Variants in EFCAB11 observed in about 807,000 individuals in gnomAD.
EFCAB11 encodes EF-hand calcium-binding domain-containing protein 11.
EFCAB11 carries 14 observed loss-of-function variants against 23.0 expected under a neutral mutation model. The ratio of observed to expected loss-of-function variants is 0.61; its 90% CI spans 0.40 to 0.95. The LOEUF (loss-of-function observed/expected upper bound fraction) is 0.95. Among genes scored for constraint, EFCAB11 ranks in the 40% least tolerant of loss-of-function variants. EFCAB11 has a pLI of 0.00. For missense variants in EFCAB11, 198 were observed against 195.8 expected (o/e 1.01, Z -0.07); for synonymous variants, 65 against 66.6 (o/e 0.98, Z 0.11).
chr14:89,861,611 C>A (rs1887923931), intron 5 of EFCAB11, among the ~76,000 whole-genome samples: 1 of 152,148 alleles, frequency 6.6e-6, no homozygotes, highest in Non-Finnish European at 1.5e-5. Flanking sequence ...CCCCAAATTT[C>A]ATGTGTTGGA....
chr14:89,833,526 T>A (rs1886956907), intron 5 of EFCAB11, among the ~76,000 whole-genome samples: 1 of 152,220 alleles, frequency 6.6e-6, no homozygotes, highest in African/African-American at 2.4e-5. Flanking sequence ...TTCATTTCAA[T>A]GAAAAGAGAG....
At chr14:89,867,075 T>C (rs2140157799) in intron 5 of EFCAB11, among the ~76,000 whole-genome samples, 1 of 152,302 alleles carries the variant, frequency 6.6e-6, no homozygotes, top group East Asian at 1.9e-4. Flanking sequence ...CCTGATCTTG[T>C]TTTTAGTGTA....
intron 5 of EFCAB11, among the ~76,000 whole-genome samples, chr14:89,834,158 C>CG (rs768587602): frequency 0.022 from 3,304 of 150,898 alleles, 61 homozygotes; most frequent in Middle Eastern, 0.045. Flanking sequence ...ATAGAGACCA[C>CG]AAGGTCAGGA....
chr14:89,947,537 C>A (rs1006231982), intron 3 of EFCAB11, among the ~76,000 whole-genome samples: 1 of 152,224 alleles, frequency 6.6e-6, no homozygotes, highest in African/African-American at 2.4e-5. Context: ...CTTTGAAATG[C>A]CTCTTGCTAA....
intron 5 of EFCAB11, among the ~76,000 whole-genome samples, chr14:89,812,702 G>T (rs1886186243): frequency 6.6e-6 from 1 of 152,170 alleles, no homozygotes; most frequent in African/African-American, 2.4e-5. Flanking sequence ...CTTAACAAAG[G>T]ATCATGGAAA....
At chr14:89,826,241 A>G (rs1566773554) in intron 5 of EFCAB11, among the ~76,000 whole-genome samples, 1 of 152,132 alleles carries the variant, frequency 6.6e-6, no homozygotes, top group African/African-American at 2.4e-5. Context: ...ATGATAACAT[A>G]TTTACTAGAG....
chr14:89,938,805 C>T (rs1302562704), intron 3 of EFCAB11, among the ~76,000 whole-genome samples: 1 of 151,900 alleles, frequency 6.6e-6, no homozygotes, highest in African/African-American at 2.4e-5. Context: ...CACCTGTAAT[C>T]CCAGCTACTC....
chr14:89,950,758 C>T (rs1891139107), intron 2 of EFCAB11, among the ~76,000 whole-genome samples: 1 of 152,016 alleles, frequency 6.6e-6, no homozygotes, highest in African/African-American at 2.4e-5. Context: ...GCTTTATAAA[C>T]GTTATAGTAT....
intron 5 of EFCAB11, among the ~76,000 whole-genome samples, chr14:89,801,057 A>AG (rs1395838001): frequency 7.8e-6 from 1 of 128,738 alleles, no homozygotes; most frequent in East Asian, 2.0e-4. Flanking sequence ...AAAAAAAAAA[A>AG]AAAGAAGTAC....
chr14:89,946,911 T>C (rs997576271), intron 3 of EFCAB11, among the ~76,000 whole-genome samples: 7 of 152,114 alleles, frequency 4.6e-5, no homozygotes, highest in African/African-American at 1.7e-4. Context: ...TTCCTATTCA[T>C]ATGTGTCTTT....
chr14:89,937,608 C>A (rs1357278128), intron 3 of EFCAB11, among the ~76,000 whole-genome samples: 3 of 152,190 alleles, frequency 2.0e-5, no homozygotes. Context: ...TCACTGCAAC[C>A]TCCACCTCCT....
intron 3 of EFCAB11, among the ~76,000 whole-genome samples, chr14:89,944,489 A>T (rs1890897258): frequency 6.6e-6 from 1 of 152,238 alleles, no homozygotes; most frequent in Admixed American, 6.5e-5. Flanking sequence ...TAAGATCTTC[A>T]TCCAGAAAGA....
intron 5 of EFCAB11, among the ~76,000 whole-genome samples, chr14:89,921,336 G>C (rs1890017792): frequency 6.6e-6 from 1 of 152,166 alleles, no homozygotes; most frequent in Non-Finnish European, 1.5e-5. Flanking sequence ...GTCTGTAGGG[G>C]CCTTGTATGT....
At chr14:89,810,205 C>T (rs1031220290) in intron 5 of EFCAB11, among the ~76,000 whole-genome samples, 4 of 152,116 alleles carry the variant, frequency 2.6e-5, no homozygotes, top group East Asian at 1.9e-4. Flanking sequence ...CAATAAGTAT[C>T]GGCTGAACAT....
At chr14:89,823,733 TG>T (rs1358326721) in intron 5 of EFCAB11, among the ~76,000 whole-genome samples, 1 of 152,100 alleles carries the variant, frequency 6.6e-6, no homozygotes, top group African/African-American at 2.4e-5. Context: ...AAGACAGAAA[TG>T]GAAAGTATTT....
intron 5 of EFCAB11, among the ~76,000 whole-genome samples, chr14:89,835,585 CGTGT>C (rs67831579): frequency 0.088 from 8,228 of 93,078 alleles, 261 homozygotes; most frequent in Middle Eastern, 0.21. Context: ...GGATGCTCAA[CGTGT>C]GTGTGTGTGT....
intron 2 of EFCAB11, among the ~76,000 whole-genome samples, chr14:89,951,299 C>CA (rs1312549155): frequency 3.3e-5 from 5 of 152,130 alleles, no homozygotes; most frequent in Non-Finnish European, 7.4e-5. Context: ...ACTCTTACCA[C>CA]CACCACATCC....
intron 5 of EFCAB11, among the ~76,000 whole-genome samples, chr14:89,814,060 C>T (rs1489760747): frequency 1.4e-5 from 2 of 146,804 alleles, no homozygotes; most frequent in Non-Finnish European, 3.0e-5. Flanking sequence ...GAAAATAGCT[C>T]CCTGGGGGGA....
chr14:89,802,396 A>T (rs1307930177), intron 5 of EFCAB11, among the ~76,000 whole-genome samples: 1 of 151,914 alleles, frequency 6.6e-6, no homozygotes, highest in African/African-American at 2.4e-5. Flanking sequence ...TTAATTAATT[A>T]ATTAATTTAT....
Sources: gnomAD v4.1 joint callset for allele counts (sites outside exome capture counted in the v4.1 genomes callset) on GRCh38, gnomAD v4.1.1 for gene constraint, MANE v1.5 for transcripts, NCBI Gene and HGNC (gene_info 2026-07-23, HGNC 2026-07-21) for gene names.